PATL2: variants seen among roughly 807,000 people sequenced by gnomAD.
PATL2 encodes the protein protein PAT1 homolog 2.
PATL2 carries 73 observed loss-of-function variants against 77.0 expected under a neutral mutation model. That is an observed-to-expected ratio of 0.95 (90% CI 0.78 to 1.15). The LOEUF (loss-of-function observed/expected upper bound fraction) is 1.15, where lower values mean the gene tolerates loss of function less well. PATL2 is among the 50% of genes most tolerant of loss of function. PATL2 has a pLI of 0.00. For missense variants in PATL2, 618 were observed against 655.4 expected, an observed-to-expected ratio of 0.94 and a Z score of 0.62; for synonymous variants, 265 against 257.1, an observed-to-expected ratio of 1.03 and a Z score of -0.29.
chr15:44,675,996 A>T (rs1184757618), intron 4 of PATL2: 1 of 400,962 alleles, frequency 2.5e-6, no homozygotes, highest in Non-Finnish European at 4.5e-6. Flanking sequence ...AGCCTGGGCA[A>T]CACAGTGAGA....
chr15:44,682,872 G>A (rs1177013463), intron 3 of PATL2, among the ~76,000 whole-genome samples: 1 of 152,208 alleles, frequency 6.6e-6, no homozygotes, highest in Admixed American at 6.5e-5. Flanking sequence ...GGTGATTTCT[G>A]CATTTCCAAC....
At chr15:44,671,216 G>A (rs964887062) in intron 9 of PATL2, among the ~76,000 whole-genome samples, 3 of 152,176 alleles carry the variant, frequency 2.0e-5, no homozygotes, top group Non-Finnish European at 2.9e-5. Context: ...CCAGCCGGGC[G>A]CGGTTGCTCA....
chr15:44,665,766 G>T lies in PATL2; in HGVS notation c.*187C>A. 3 of 1,463,782 alleles carry T rather than the reference G, an allele frequency of 2.0e-6. No homozygotes were observed. In the East Asian group the frequency reaches 7.6e-5, roughly 37 times the overall value. The allele number at this position is 1,463,782 out of a possible 1,614,324, so 90.7% of individuals were successfully genotyped here. On this transcript the variant is annotated 3_prime_UTR_variant, in exon 18 of 18. Transcript: ENST00000682850. ...TATCTCTTTAATTATACCTTATTAT[G>T]CCATGTCTTATTTTTAGGCACATCA...
At position 44,670,011 on chromosome 15, in the gene PATL2, T is replaced by A; in HGVS notation, c.734A>T (p.Lys245Met). The change falls in exon 10 of 18, where the codon AAG becomes ATG. Residue 245 changes from lysine (K) to methionine (M), a missense_variant. Coordinates refer to ENST00000682850, the MANE Select transcript of PATL2 (RefSeq NM_001387263.1). The stretch of plus-strand genomic sequence containing the variant: ...CTTCGGAATGTAAGGCGTTACCAGC[T>A]TGAGGGACTCAACCCGGTTTCTTCG... ...LGRRNRVESLKLVTPYIPKAE... is the reference protein window; with the variant it reads ...LGRRNRVESLMLVTPYIPKAE... 6.4e-7 allele frequency: 1 copy of A among 1,550,754 alleles called. No homozygotes were observed.
At chr15:44,689,366 T>C (rs973319110) in intron 3 of PATL2, among the ~76,000 whole-genome samples, 1 of 152,200 alleles carries the variant, frequency 6.6e-6, no homozygotes, top group East Asian at 1.9e-4. Flanking sequence ...ACTGGGTACA[T>C]ACCCAAAGGA....
At chr15:44,674,542 T>C (rs920542652) in intron 5 of PATL2, 6 of 178,826 alleles carry the variant, frequency 3.4e-5, no homozygotes, top group Non-Finnish European at 7.0e-5. Flanking sequence ...TATATATACA[T>C]GCCTATGATA....
chr15:44,682,441 A>T (rs2086154701), intron 3 of PATL2, among the ~76,000 whole-genome samples: 1 of 152,156 alleles, frequency 6.6e-6, no homozygotes, highest in South Asian at 2.1e-4. Flanking sequence ...GATGTTCCTC[A>T]TCTCTGTGCC....
chr15:44,676,483 C>T lies in PATL2; in HGVS notation c.8G>A (p.Cys3Tyr). Residue 3 changes from cysteine (C) to tyrosine (Y), a missense_variant, in exon 4 of 18, where the codon TGC becomes TAC. By Grantham distance (194) the Cys-to-Tyr change is radical. Coordinates refer to ENST00000682850, the MANE Select transcript of PATL2 (RefSeq NM_001387263.1). ...GGCCCACTTGTTGATACCTTCAAGG[C>T]AATTCATCTTGGCAGGCTGGTGGAC... MNCLEGPGKTCGP... is the reference protein window; with the variant it reads MNYLEGPGKTCGP... 1.3e-6 allele frequency: 2 copies of T among 1,551,284 alleles called. No homozygotes were observed. Among genetic ancestry groups the T allele is most frequent in the Non-Finnish European group, 1.7e-6 (2 of 1,146,684 alleles).
chr15:44,683,265 C>T (rs923760969), intron 3 of PATL2, among the ~76,000 whole-genome samples: 1 of 152,090 alleles, frequency 6.6e-6, no homozygotes. Flanking sequence ...GGAAAGGGTG[C>T]TGAAGCCAGG....
chr15:44,673,162 C>G (rs1279151913), intron 7 of PATL2, 73 bp downstream of exon 7: 1 of 1,491,670 alleles, frequency 6.7e-7, no homozygotes, highest in Non-Finnish European at 9.0e-7. Context: ...CCTGTGGCAA[C>G]TGGTAGGCAT....
intron 16 of PATL2, 134 bp from the exon 17 acceptor site, chr15:44,666,675 T>C: frequency 1.1e-6 from 1 of 911,010 alleles, no homozygotes. Context: ...AGGTAACATT[T>C]GCATGTTTGG....
intron 3 of PATL2, among the ~76,000 whole-genome samples, chr15:44,689,641 C>T (rs1484473223): frequency 2.6e-5 from 4 of 151,822 alleles, no homozygotes; most frequent in Non-Finnish European, 5.9e-5. Flanking sequence ...TGCTCTCACT[C>T]ATAAGTGGGA....
chr15:44,689,689 C>T (rs1317618952), intron 3 of PATL2, among the ~76,000 whole-genome samples: 1 of 152,014 alleles, frequency 6.6e-6, no homozygotes, highest in Non-Finnish European at 1.5e-5. Flanking sequence ...GGGAGGGGAA[C>T]ATCACACACC....
intron 3 of PATL2, among the ~76,000 whole-genome samples, chr15:44,688,878 A>C (rs915404047): frequency 3.9e-5 from 6 of 152,244 alleles, no homozygotes; most frequent in African/African-American, 1.4e-4. Flanking sequence ...AATTAAACTA[A>C]AGAGCTTCTG....
chr15:44,669,300 G>T lies in PATL2; in HGVS notation c.1044C>A (p.Thr348=). 6.4e-7 allele frequency: 1 copy of T among 1,551,040 alleles called. No homozygotes were observed. ...QVEKLFQTLK[T]QEQNNLEEAA... ...CTCACTCCAGGTTGTTCTGCTCCTG[G>T]GTCTTTAAGGTCTGGAAGAGCTTCT... The change falls in exon 13 of 18, where the codon ACC becomes ACA. Residue 348 remains threonine, a synonymous_variant. Coordinates refer to ENST00000682850, the MANE Select transcript of PATL2 (RefSeq NM_001387263.1).
At chr15:44,698,514 A>G (rs2086559857) in intron 3 of PATL2, among the ~76,000 whole-genome samples, 1 of 151,910 alleles carries the variant, frequency 6.6e-6, no homozygotes, top group Non-Finnish European at 1.5e-5. Flanking sequence ...TGCCTGGCTT[A>G]CTTAACATAA....
chr15:44,669,033 A>G lies in PATL2; in HGVS notation c.1171T>C (p.Leu391=). Residue 391 remains leucine, a synonymous_variant, in exon 14 of 18, where the codon TTG becomes CTG. Transcript: ENST00000682850. ...LPQDQAVTIL[L]AITHHLPLLV... ...AGGGGCAGATGGTGGGTGATAGCCA[A>G]AAGAATGGTAACAGCCTGATCCTGG... 6.4e-7 allele frequency: 1 copy of G among 1,551,150 alleles called. No individual in the cohort carries two copies. Among genetic ancestry groups the G allele is most frequent in the Non-Finnish European group, 8.7e-7 (1 of 1,146,678 alleles).
intron 3 of PATL2, among the ~76,000 whole-genome samples, chr15:44,707,113 G>A (rs1259205296): frequency 6.6e-6 from 1 of 152,124 alleles, no homozygotes; most frequent in African/African-American, 2.4e-5. Context: ...TAAGCTTGTG[G>A]TGAACGCTGC....
chr15:44,697,607 G>T (rs2086535625), intron 3 of PATL2, among the ~76,000 whole-genome samples: 2 of 152,058 alleles, frequency 1.3e-5, no homozygotes, highest in Non-Finnish European at 2.9e-5. Context: ...CTTGGTGCTG[G>T]TTGCTCTGTA....
Sources: gnomAD v4.1 joint callset for allele counts (sites outside exome capture counted in the v4.1 genomes callset) on GRCh38, gnomAD v4.1.1 for gene constraint, MANE v1.5 for transcripts, NCBI Gene and HGNC (gene_info 2026-07-23, HGNC 2026-07-21) for gene names.